Variants in OSTN observed in about 807,000 individuals in gnomAD.
The protein encoded by OSTN is osteocrin.
A neutral mutation model predicts 12.0 loss-of-function variants in OSTN; 9 were observed. The ratio of observed to expected loss-of-function variants is 0.75; its 90% CI spans 0.45 to 1.30. The LOEUF (loss-of-function observed/expected upper bound fraction) is 1.30, where lower values mean the gene tolerates loss of function less well. OSTN is among the 50% of genes most tolerant of loss of function. The pLI, the probability that OSTN is intolerant of heterozygous loss-of-function variation, is 0.00. For synonymous variants in OSTN, 59 were observed against 56.9 expected (o/e 1.04, Z -0.16); for missense variants, 148 against 152.3 (o/e 0.97, Z 0.15).
chr3:191,210,324 A>G (rs962309008), intron 1 of OSTN, among the ~76,000 whole-genome samples: 1 of 152,170 alleles, frequency 6.6e-6, no homozygotes, highest in South Asian at 2.1e-4. Context: ...AGTGGCACGC[A>G]CCCGAGCCTC....
intron 1 of OSTN, among the ~76,000 whole-genome samples, chr3:191,209,172 TA>T (rs35632314): frequency 0.32 from 48,203 of 151,856 alleles, 8,974 homozygotes; most frequent in African/African-American, 0.5. Context: ...AATAAATAAA[TA>T]AAAAAGATAT....
intron 1 of OSTN, among the ~76,000 whole-genome samples, chr3:191,207,219 T>C (rs1181355683): frequency 2.0e-5 from 3 of 152,218 alleles, no homozygotes; most frequent in African/African-American, 7.2e-5. Context: ...TTTTGAGTAT[T>C]GCCAATCAAG....
chr3:191,216,152 C>T (rs910282887), intron 2 of OSTN, among the ~76,000 whole-genome samples: 2 of 152,204 alleles, frequency 1.3e-5, no homozygotes, highest in South Asian at 4.1e-4. Flanking sequence ...CCAGTGTAAA[C>T]CACCAAGGCT....
At chr3:191,222,841 G>A (rs1714804206) in intron 3 of OSTN, among the ~76,000 whole-genome samples, 2 of 151,906 alleles carry the variant, frequency 1.3e-5, no homozygotes, top group Non-Finnish European at 2.9e-5. Flanking sequence ...GTTCTCATGA[G>A]AGTGAGTGAG....
At chr3:191,226,203 G>A (rs1454798229) in intron 3 of OSTN, among the ~76,000 whole-genome samples, 1 of 151,924 alleles carries the variant, frequency 6.6e-6, no homozygotes. Flanking sequence ...ACCAAGGGGG[G>A]TTTATTCCAG....
chr3:191,214,079 A>G (rs1457869591), intron 2 of OSTN, among the ~76,000 whole-genome samples: 1 of 152,186 alleles, frequency 6.6e-6, no homozygotes, highest in Non-Finnish European at 1.5e-5. Context: ...TTATATGACA[A>G]AAGTGGTATT....
intron 3 of OSTN, among the ~76,000 whole-genome samples, chr3:191,229,119 C>A (rs1033034711): frequency 6.6e-6 from 1 of 152,164 alleles, no homozygotes; most frequent in Non-Finnish European, 1.5e-5. Context: ...AAAATCCAGA[C>A]TGTGGGAAAC....
At chr3:191,210,127 G>A (rs768937226) in intron 1 of OSTN, among the ~76,000 whole-genome samples, 4 of 152,202 alleles carry the variant, frequency 2.6e-5, no homozygotes, top group Non-Finnish European at 2.9e-5. Context: ...AAGCAGGCAC[G>A]TCTTCACATG....
chr3:191,233,244 CA>C (rs1715106475), intron 3 of OSTN, among the ~76,000 whole-genome samples: 2 of 152,028 alleles, frequency 1.3e-5, no homozygotes, highest in Non-Finnish European at 2.9e-5. Flanking sequence ...AATAAAGAAC[CA>C]CCTGTTGTTT....
chr3:191,230,614 C>T (rs1715030365), intron 3 of OSTN, among the ~76,000 whole-genome samples: 1 of 145,548 alleles, frequency 6.9e-6, no homozygotes, highest in Non-Finnish European at 1.5e-5. Context: ...GGCTAAGTAG[C>T]ATGAGAACTC....
chr3:191,218,085 G>A (rs1714667734), intron 2 of OSTN, among the ~76,000 whole-genome samples: 1 of 151,956 alleles, frequency 6.6e-6, no homozygotes, highest in African/African-American at 2.4e-5. Context: ...CTGGCACAAG[G>A]CAAAAAATAA....
chr3:191,222,496 G>C (rs181989303), intron 3 of OSTN, among the ~76,000 whole-genome samples: 1 of 152,192 alleles, frequency 6.6e-6, no homozygotes, highest in Non-Finnish European at 1.5e-5. Flanking sequence ...CCCAATGCCT[G>C]TCCCCCCACA....
intron 3 of OSTN, among the ~76,000 whole-genome samples, chr3:191,232,029 T>A (rs1444627367): frequency 6.6e-6 from 1 of 151,870 alleles, no homozygotes; most frequent in African/African-American, 2.4e-5. Flanking sequence ...TGTAAAGATA[T>A]GTCTGCAAAC....
chr3:191,223,861 T>C (rs1371429629), intron 3 of OSTN, among the ~76,000 whole-genome samples: 1 of 152,178 alleles, frequency 6.6e-6, no homozygotes, highest in Admixed American at 6.5e-5. Flanking sequence ...TGGATGGCTA[T>C]AACTTGCCTA....
At chr3:191,220,782 A>G (rs1164971182) in intron 3 of OSTN, among the ~76,000 whole-genome samples, 1 of 152,236 alleles carries the variant, frequency 6.6e-6, no homozygotes, top group East Asian at 1.9e-4. Context: ...CAACATGGTC[A>G]ACTAAATAAT....
chr3:191,247,524 T>A (rs937099708), intron 3 of OSTN, among the ~76,000 whole-genome samples: 25 of 152,276 alleles, frequency 1.6e-4, no homozygotes, highest in Admixed American at 1.6e-3. Context: ...TCGATACAGA[T>A]AATAAGAGCC....
chr3:191,199,602 G>A (rs144923554), intron 1 of OSTN, among the ~76,000 whole-genome samples: 2,391 of 152,006 alleles, frequency 0.016, 66 homozygotes, highest in African/African-American at 0.05. Context: ...TGTTATTAGC[G>A]TTATTTTGCT....
chr3:191,199,553 CAGAA>C lies in OSTN; in HGVS notation c.-1+249_-1+252del, dbSNP rs139582955. On this transcript the variant is annotated intron_variant, in intron 1 of 4. Transcript: ENST00000682035. The stretch of plus-strand genomic sequence containing the variant: ...CTTTTCTCTTCCATTTCAAAACAAA[CAGAA>C]AGTGAATGCAAAATAATAATTCTAT... Among the ~76,000 whole-genome samples, 2,998 of 151,992 alleles carry C rather than the reference CAGAA, an allele frequency of 0.02. 167 individuals carry two copies. The East Asian group carries it at 0.2, about 10-fold the overall frequency.
chr3:191,218,584 T>C (rs750421079), intron 2 of OSTN, among the ~76,000 whole-genome samples, 163 bp from the exon 3 acceptor site: 7 of 152,156 alleles, frequency 4.6e-5, no homozygotes, highest in Non-Finnish European at 7.3e-5. Context: ...GATCACGCCA[T>C]TGCACCCCAA....
Sources: allele counts gnomAD v4.1 joint callset (sites outside exome capture counted in the v4.1 genomes callset), GRCh38; gene constraint gnomAD v4.1.1; transcripts MANE v1.5; gene names NCBI Gene and HGNC (gene_info 2026-07-23, HGNC 2026-07-21).